Variants in CD4 observed in about 807,000 individuals in gnomAD.
The protein encoded by CD4 is T-cell surface glycoprotein CD4.
In CD4, 25 loss-of-function variants were observed where a neutral mutation model predicts 50.5. The observed-to-expected ratio is 0.49, with a 90% CI of 0.36 to 0.69. CD4 has a LOEUF of 0.69. Among genes scored for constraint, CD4 ranks in the 30% least tolerant of loss-of-function variants. The pLI is 0.00. For synonymous variants in CD4, 207 were observed against 221.9 expected, an observed-to-expected ratio of 0.93 and a Z score of 0.60; for missense variants, 456 against 548.5, an observed-to-expected ratio of 0.83 and a Z score of 1.68.
chr12:6,818,442 C>T lies in CD4; in HGVS notation c.1178C>T (p.Pro393Leu), dbSNP rs200216312. Reference sequence around the variant, plus strand: ...GCAGTTCTGCCCACATGGTCCACCCCGGTGCAGCCAATGGCCCTGATTGTG... The same window carrying T: ...GCAGTTCTGCCCACATGGTCCACCCTGGTGCAGCCAATGGCCCTGATTGTG... ...NIKVLPTWSTPVQPMALIVLG... is the reference protein window; with the variant it reads ...NIKVLPTWSTLVQPMALIVLG... Residue 393 changes from proline to leucine, a missense_variant, in exon 8 of 10, where the codon CCG becomes CTG. Physicochemically the swap from Pro to Leu is moderately conservative, Grantham distance 98 (BLOSUM62 -3). Coordinates refer to ENST00000011653, the MANE Select transcript of CD4 (RefSeq NM_000616.5). This position sits in a 1 kb window ranked among gnomAD's most constrained non-coding sequence, Gnocchi z 5.0. 256 of 1,612,810 alleles carry T rather than the reference C, an allele frequency of 1.6e-4. No homozygotes were observed. Among genetic ancestry groups the T allele is most frequent in the Admixed American group, 4.3e-4 (26 of 60,028 alleles).
Position 6,794,782 on chromosome 12 carries a change from TTTTG to T in CD4, c.-68+5124_-68+5127del, listed in dbSNP as rs1350470070. Among the ~76,000 whole-genome samples, 34 of 131,698 alleles carry T rather than the reference TTTTG, an allele frequency of 2.6e-4. 3 individuals carry two copies. The highest frequency in any genetic ancestry group is 8.1e-4 in the South Asian group (3 of 3,696). 86.4% of individuals were successfully genotyped at this position (131,698 alleles called of 152,430 possible). A position where few individuals can be genotyped will look rare whatever the true frequency, so the allele number is the denominator to read the frequency against. On this transcript the variant is annotated intron_variant, in intron 1 of 9. Transcript: ENST00000011653. ...CTATCTGTCTGTATGTCTGTTTTTT[TTTTG>T]TTTTTTTTTTTTTTTTGAGATAGAG...
chr12:6,817,120 T>G lies in CD4; in HGVS notation c.956-10T>G, dbSNP rs370358685. On this transcript the variant is annotated splice_polypyrimidine_tract_variant and intron_variant, in intron 6 of 9. Transcript: ENST00000011653. ...CAGGCCTTTGATCTCAGCCTCTCGT[T>G]CCTCTGCAGCCACTCAGCTCCAGAA... 17 of 1,611,818 alleles carry G rather than the reference T, an allele frequency of 1.1e-5. No homozygotes were observed. The highest frequency in any genetic ancestry group is 1.3e-5 in the African/African-American group (1 of 74,910).
Position 6,816,238 on chromosome 12 carries a change from A to C in CD4, c.790A>C (p.Lys264Gln). The C allele has an allele frequency of 6.2e-7, 1 of 1,614,210 alleles. No individual in the cohort carries two copies. The highest frequency in any genetic ancestry group is 1.1e-5 in the South Asian group (1 of 91,078). ...CCTGAAGAACAAGGAAGTGTCTGTA[A>C]AACGGGTTACCCAGGACCCTAAGCT... ...FDLKNKEVSV[K>Q]RVTQDPKLQM... The change falls in exon 6 of 10, where the codon AAA becomes CAA. Residue 264 changes from lysine (K) to glutamine (Q), a missense_variant. Coordinates refer to ENST00000011653, the MANE Select transcript of CD4 (RefSeq NM_000616.5). The surrounding 1 kb of genome is among the most constrained non-coding windows in gnomAD (Gnocchi z 4.9).
rs1179758459 is a variant in CD4, at chr12:6,820,637, C to T, written c.*1308C>T. On this transcript the variant is annotated 3_prime_UTR_variant, in exon 10 of 10. Transcript: ENST00000011653. ...ACCCTTCCTCACCACTTCCCTCAGT[C>T]CCAACTCCTTTTCCCTATTTCCTTC... 2 of 152,398 alleles carry T rather than the reference C, an allele frequency of 1.3e-5. No homozygotes were observed. The highest frequency in any genetic ancestry group is 4.8e-5 in the African/African-American group (2 of 41,426). The allele number at this position is 152,398 out of a possible 1,614,324, so 9.4% of individuals were successfully genotyped here.
chr12:6,808,851 GAGCACATCTTGTC>G (rs2137894517), intron 3 of CD4, among the ~76,000 whole-genome samples: 1 of 152,270 alleles, frequency 6.6e-6, no homozygotes, highest in Non-Finnish European at 1.5e-5. Context: ...TGAACTTTTT[GAGCACATCTTGTC>G]AGCACTGAGT....
intron 3 of CD4, among the ~76,000 whole-genome samples, chr12:6,801,806 C>T (rs940298545): frequency 1.3e-5 from 2 of 151,326 alleles, no homozygotes; most frequent in Non-Finnish European, 2.9e-5. Context: ...GTGATTTACC[C>T]TCCTTGGCCT....
chr12:6,808,450 CAAAAAA>C lies in CD4; in HGVS notation c.215-5665_215-5660del, dbSNP rs3032789. Among the ~76,000 whole-genome samples, 273 of 37,656 alleles carry C rather than the reference CAAAAAA, an allele frequency of 7.2e-3. 1 individual carries two copies. The highest frequency in any genetic ancestry group is 0.038 in the East Asian group (58 of 1,538). 24.7% of individuals were successfully genotyped at this position (37,656 alleles called of 152,430 possible). ...TGGGTGACAAAGTGAGATTCTGTCT[CAAAAAA>C]AAAAAAAAAAAAAAAAAAAAAAAAA... is the stretch of plus-strand genomic sequence containing the variant. On this transcript the variant is annotated intron_variant, in intron 3 of 9. Coordinates refer to ENST00000011653, the MANE Select transcript of CD4 (RefSeq NM_000616.5).
intron 1 of CD4, among the ~76,000 whole-genome samples, chr12:6,797,076 C>T (rs945997629): frequency 6.6e-6 from 1 of 152,180 alleles, no homozygotes; most frequent in Non-Finnish European, 1.5e-5. Flanking sequence ...ACTAGACCCA[C>T]CCCCAGTTTC....
intron 3 of CD4, among the ~76,000 whole-genome samples, chr12:6,811,053 G>A (rs1230014996): frequency 6.6e-6 from 1 of 152,040 alleles, no homozygotes; most frequent in Non-Finnish European, 1.5e-5. Context: ...GTCTGGAAGA[G>A]GAGAGAAAGG....
intron 1 of CD4, among the ~76,000 whole-genome samples, chr12:6,796,085 C>T (rs572732633): frequency 6.6e-6 from 1 of 152,314 alleles, no homozygotes; most frequent in Admixed American, 6.5e-5. Context: ...GACTTTCGCT[C>T]CTCCATACAA....
rs1025547412 is a variant in CD4, at chr12:6,795,232, TATCA to T, written c.-67-4836_-67-4833del. On this transcript the variant is annotated intron_variant, in intron 1 of 9. Coordinates refer to ENST00000011653, the MANE Select transcript of CD4 (RefSeq NM_000616.5). ...GTTTATCTAATCTATTTACCTAATC[TATCA>T]ATCTATCATCTAATCTATCTAATCT... Among the ~76,000 whole-genome samples, 7 of 152,278 alleles carry T rather than the reference TATCA, an allele frequency of 4.6e-5. No homozygotes were observed. The South Asian group carries it at 6.2e-4, about 14-fold the overall frequency.
At chr12:6,819,216 G>T in intron 9 of CD4, 83 bp from the exon 10 acceptor site, 12 of 1,368,536 alleles carry the variant, frequency 8.8e-6, no homozygotes, top group Non-Finnish European at 9.4e-6. Flanking sequence ...GCTGTGCTGC[G>T]CTGGAAAGGC....
At position 6,813,859 on chromosome 12, in the gene CD4, T is replaced by C. The variant is rs576670786; in HGVS notation, c.215-283T>C. Among the ~76,000 whole-genome samples the C allele has an allele frequency of 1.4e-3, 219 of 152,262 alleles. 1 individual carries two copies. Among genetic ancestry groups the C allele is most frequent in the Non-Finnish European group, 2.1e-3 (146 of 68,018 alleles). On this transcript the variant is annotated intron_variant, in intron 3 of 9. Coordinates refer to ENST00000011653, the MANE Select transcript of CD4 (RefSeq NM_000616.5). ...TGACAGTATCTATTTCTCGGAATTA[T>C]TGTGGAGATTACTGAGATGATGCCT...
chr12:6,815,219 G>A (rs971443774), intron 5 of CD4: 22 of 532,742 alleles, frequency 4.1e-5, no homozygotes, highest in Non-Finnish European at 6.6e-5. Context: ...GAAAGGAAAG[G>A]CTGGGGAAGG....
rs782265520 is a variant in CD4 at position 6,818,550 on chromosome 12, A to G, written c.1278+8A>G. The G allele has an allele frequency of 6.2e-7, 1 of 1,612,100 alleles. No individual in the cohort carries two copies. The highest frequency in any genetic ancestry group is 8.5e-7 in the Non-Finnish European group (1 of 1,179,908). On this transcript the variant is annotated splice_region_variant and intron_variant, in intron 8 of 9. Coordinates refer to ENST00000011653, the MANE Select transcript of CD4 (RefSeq NM_000616.5). The surrounding 1 kb of genome is among the most constrained non-coding windows in gnomAD (Gnocchi z 5.0). ...AGGTGCCGGCACCGAAGGGTGAGTA[A>G]CCCCACACCTGGTCCCCACAAGGCC...
chr12:6,806,703 A>T (rs1281482891), intron 3 of CD4, among the ~76,000 whole-genome samples: 1 of 152,224 alleles, frequency 6.6e-6, no homozygotes, highest in Non-Finnish European at 1.5e-5. Flanking sequence ...AGGGATATGT[A>T]CATTAAAACC....
intron 1 of CD4, among the ~76,000 whole-genome samples, chr12:6,797,104 G>A (rs1404614959): frequency 6.6e-6 from 1 of 152,134 alleles, no homozygotes; most frequent in African/African-American, 2.4e-5. Context: ...GCAGGTCTGG[G>A]GTGGGGCCGA....
intron 1 of CD4, among the ~76,000 whole-genome samples, chr12:6,798,602 G>T (rs28917480): frequency 6.6e-6 from 1 of 152,168 alleles, no homozygotes; most frequent in Admixed American, 6.5e-5. Flanking sequence ...TCTTAGTACA[G>T]ATCAAAATGG....
At chr12:6,810,425 G>T (rs1942903727) in intron 3 of CD4, among the ~76,000 whole-genome samples, 1 of 152,184 alleles carries the variant, frequency 6.6e-6, no homozygotes, top group Non-Finnish European at 1.5e-5. Context: ...GTGATGGCAG[G>T]ATATTAACAT....
Sources: allele counts gnomAD v4.1 joint callset (sites outside exome capture counted in the v4.1 genomes callset), GRCh38; gene constraint gnomAD v4.1.1; non-coding constraint Gnocchi (gnomAD v3.1); transcripts MANE v1.5; gene names NCBI Gene and HGNC (gene_info 2026-07-23, HGNC 2026-07-21).